The following VWA8 variants were observed in gnomAD, a reference collection of about 807,000 sequenced individuals.
The protein encoded by VWA8 is von Willebrand factor A domain-containing protein 8.
Under a neutral mutation model 241.5 loss-of-function variants are expected in VWA8, and 221 were observed. That is an observed-to-expected ratio of 0.91 (90% CI 0.82 to 1.02). The LOEUF is 1.02. Among genes scored for constraint, VWA8 ranks in the 50% least tolerant of loss-of-function variants. The probability of loss-of-function intolerance (pLI) is 0.00; values close to 1 mark genes in which losing one functional copy is unlikely to be tolerated. For missense variants in VWA8, 2,322 were observed against 2,328.7 expected, an observed-to-expected ratio of 1.00 and a Z score of 0.06; for synonymous variants, 852 against 827.1, an observed-to-expected ratio of 1.03 and a Z score of -0.52.
At chr13:41,703,800 G>A (rs539232527) in intron 26 of VWA8, among the ~76,000 whole-genome samples, 21 of 141,508 alleles carry the variant, frequency 1.5e-4, no homozygotes, top group East Asian at 1.4e-3. Context: ...TTTTTGAGAC[G>A]AAGTTTCACT....
chr13:41,801,685 T>C (rs934116328), intron 17 of VWA8, among the ~76,000 whole-genome samples: 6 of 152,212 alleles, frequency 3.9e-5, no homozygotes, highest in African/African-American at 1.4e-4. Context: ...ATGAAAACAA[T>C]TAGTACAGAC....
At chr13:41,783,377 C>T (rs189610340) in intron 19 of VWA8, among the ~76,000 whole-genome samples, 381 of 151,922 alleles carry the variant, frequency 2.5e-3, no homozygotes, top group African/African-American at 8.8e-3. Context: ...TGGTGGCTCA[C>T]GCCTGTAATA....
intron 20 of VWA8, among the ~76,000 whole-genome samples, chr13:41,772,003 G>A (rs2045827635): frequency 6.9e-6 from 1 of 144,816 alleles, no homozygotes; most frequent in Non-Finnish European, 1.5e-5. Context: ...CGATTCTCCC[G>A]CCTCAGCCTC....
intron 37 of VWA8, among the ~76,000 whole-genome samples, chr13:41,648,077 A>C (rs1384763674): frequency 6.6e-6 from 1 of 152,192 alleles, no homozygotes; most frequent in African/African-American, 2.4e-5. Context: ...TAAATGATGC[A>C]TGTCTTGGAG....
chr13:41,663,880 G>A (rs1294609682), intron 37 of VWA8, among the ~76,000 whole-genome samples: 2 of 151,274 alleles, frequency 1.3e-5, no homozygotes, highest in Admixed American at 1.3e-4. Context: ...TGTCTGTATA[G>A]TAATGATAAT....
chr13:41,946,566 T>C lies in VWA8; in HGVS notation c.241+3370A>G, dbSNP rs138848536. Among the ~76,000 whole-genome samples, 991 of 152,244 alleles carry C rather than the reference T, an allele frequency of 6.5e-3. 4 individuals are homozygous for C. Among genetic ancestry groups the C allele is most frequent in the Non-Finnish European group, 9.3e-3 (630 of 68,018 alleles). ...TACATTGGAGTAGTTTATATACTAT[T>C]GAAACTAAGTTACCATTAATCTAAA... On this transcript the variant is annotated intron_variant, in intron 2 of 44. Coordinates refer to ENST00000379310, the MANE Select transcript of VWA8 (RefSeq NM_015058.2).
intron 12 of VWA8, among the ~76,000 whole-genome samples, chr13:41,859,876 T>C (rs1593823469): frequency 6.6e-6 from 1 of 152,184 alleles, no homozygotes; most frequent in African/African-American, 2.4e-5. Flanking sequence ...CATGTACAAA[T>C]AACAGGGAAG....
chr13:41,761,317 T>C, intron 20 of VWA8, 113 bp from the exon 21 acceptor site: 1 of 1,010,576 alleles, frequency 9.9e-7, no homozygotes. Context: ...GTTACTGTTT[T>C]AGTTTATTGT....
chr13:41,830,306 GTTT>G (rs558032123), intron 14 of VWA8, among the ~76,000 whole-genome samples: 12 of 142,674 alleles, frequency 8.4e-5, no homozygotes, highest in African/African-American at 3.2e-4. Context: ...AGTTGATTAG[GTTT>G]TTTTTTTTAA....
intron 2 of VWA8, among the ~76,000 whole-genome samples, chr13:41,945,651 A>G (rs948868589): frequency 8.5e-5 from 13 of 152,178 alleles, no homozygotes; most frequent in African/African-American, 2.7e-4. Context: ...GGGGCTCAAC[A>G]ACAGATGTGA....
At chr13:41,743,947 A>G (rs889466303) in intron 21 of VWA8, among the ~76,000 whole-genome samples, 2 of 152,196 alleles carry the variant, frequency 1.3e-5, no homozygotes, top group African/African-American at 4.8e-5. Context: ...TGAAAGCTCA[A>G]AGTTAAACCT....
chr13:41,778,072 C>A lies in VWA8; in HGVS notation c.2278-16G>T. 6.2e-7 allele frequency: 1 copy of A among 1,601,330 alleles called. No individual in the cohort carries two copies. Among genetic ancestry groups the A allele is most frequent in the Middle Eastern group, 1.7e-4 (1 of 6,030 alleles). ...CTATCACATGCTAGAGAAAAAGGAA[C>A]TAGGGGTTAACTGTTTTGTACAATC... On this transcript the variant is annotated splice_polypyrimidine_tract_variant and intron_variant, in intron 19 of 44. Coordinates refer to ENST00000379310, the MANE Select transcript of VWA8 (RefSeq NM_015058.2).
intron 8 of VWA8, among the ~76,000 whole-genome samples, chr13:41,884,001 C>T (rs1439939270): frequency 3.9e-5 from 6 of 152,182 alleles, no homozygotes; most frequent in African/African-American, 1.4e-4. Flanking sequence ...ATTCTGTTCA[C>T]CCCACTTTAA....
chr13:41,918,821 T>A (rs977840392), intron 2 of VWA8, among the ~76,000 whole-genome samples: 11 of 152,046 alleles, frequency 7.2e-5, no homozygotes, highest in African/African-American at 2.7e-4. Flanking sequence ...GATACACATA[T>A]ACATAGTCAT....
At chr13:41,701,292 C>T (rs2045247675) in intron 28 of VWA8, 100 bp downstream of exon 28, 3 of 1,344,684 alleles carry the variant, frequency 2.2e-6, no homozygotes, top group Non-Finnish European at 9.9e-7. Flanking sequence ...TGACAGACAC[C>T]AAGTCTATCA....
At chr13:41,624,725 T>G (rs2044678067) in intron 37 of VWA8, among the ~76,000 whole-genome samples, 1 of 152,150 alleles carries the variant, frequency 6.6e-6, no homozygotes, top group Admixed American at 6.6e-5. Flanking sequence ...TCATACTGAA[T>G]GGGCAAAGGC....
At chr13:41,959,790 G>T (rs542800368) in intron 1 of VWA8, among the ~76,000 whole-genome samples, 1 of 151,298 alleles carries the variant, frequency 6.6e-6, no homozygotes, top group African/African-American at 2.4e-5. Context: ...TTTCTTTTTA[G>T]TAGACACGGG....
intron 12 of VWA8, among the ~76,000 whole-genome samples, chr13:41,844,962 G>A (rs1434828338): frequency 6.6e-6 from 1 of 152,030 alleles, no homozygotes; most frequent in Non-Finnish European, 1.5e-5. Flanking sequence ...TTGTTAAAAT[G>A]ACCATACTGC....
In VWA8 at chr13:41,635,508, G is replaced by T. The variant is rs12855727; in HGVS notation, c.4612-20424C>A. Among the ~76,000 whole-genome samples, 5 of 152,254 alleles carry T rather than the reference G, an allele frequency of 3.3e-5. 1 individual carries two copies. The South Asian group carries it at 8.3e-4, about 25-fold the overall frequency. ...TAAGTGACTCCCTTTCTTCCTTGCC[G>T]GTTAGTCTGCACACCTGCCTGTAGT... On this transcript the variant is annotated intron_variant, in intron 37 of 44. Transcript: ENST00000379310.
Sources: gnomAD v4.1 joint callset for allele counts (sites outside exome capture counted in the v4.1 genomes callset) on GRCh38, gnomAD v4.1.1 for gene constraint, MANE v1.5 for transcripts, NCBI Gene and HGNC (gene_info 2026-07-23, HGNC 2026-07-21) for gene names.